GRID2: variants seen among roughly 807,000 people sequenced by gnomAD.
GRID2 encodes glutamate ionotropic receptor delta type subunit 2.
A neutral mutation model predicts 114.8 loss-of-function variants in GRID2; 33 were observed. That is an observed-to-expected ratio of 0.29 (90% CI 0.22 to 0.38). The LOEUF (loss-of-function observed/expected upper bound fraction) is 0.38. Among genes scored for constraint, GRID2 ranks in the 10% least tolerant of loss-of-function variants. The pLI is 1.00. For synonymous variants in GRID2, 505 were observed against 449.9 expected (o/e 1.12, Z -1.55); for missense variants, 1,184 against 1,257.7 (o/e 0.94, Z 0.89).
rs550572975 is a variant in GRID2, at chr4:93,668,323, C to T, written c.2360+41888C>T. Among the ~76,000 whole-genome samples the T allele has an allele frequency of 1.6e-4, 24 of 152,010 alleles. No individual in the cohort carries two copies. In the South Asian group the frequency reaches 5.0e-3, roughly 32 times the overall value. On this transcript the variant is annotated intron_variant, in intron 14 of 15. Coordinates refer to ENST00000282020, the MANE Select transcript of GRID2 (RefSeq NM_001510.4). ...CTGAAATGTATATAACCGTTTTCTC[C>T]TACACTCAATGAACTTTGAGTTCTG...
At chr4:93,365,108 A>G (rs1477897158) in intron 8 of GRID2, among the ~76,000 whole-genome samples, 1 of 152,070 alleles carries the variant, frequency 6.6e-6, no homozygotes, top group Non-Finnish European at 1.5e-5. Flanking sequence ...GTTTAAAGGC[A>G]TTCATCAGAT....
At chr4:92,489,041 T>C (rs1723027811) in intron 1 of GRID2, among the ~76,000 whole-genome samples, 1 of 152,080 alleles carries the variant, frequency 6.6e-6, no homozygotes, top group East Asian at 1.9e-4. Flanking sequence ...AGACAATAGA[T>C]AGAAAACACA....
At chr4:93,458,335 A>G (rs1364004983) in intron 11 of GRID2, among the ~76,000 whole-genome samples, 5 of 152,194 alleles carry the variant, frequency 3.3e-5, no homozygotes, top group Admixed American at 2.6e-4. Context: ...TTTCAGCTAG[A>G]CAATTCAGAG....
chr4:92,825,945 G>C (rs887290019), intron 2 of GRID2, among the ~76,000 whole-genome samples: 1 of 152,082 alleles, frequency 6.6e-6, no homozygotes, highest in Non-Finnish European at 1.5e-5. Context: ...GCTACTTGTA[G>C]CTGAAAGTAT....
rs1727745091 is a variant in GRID2 at position 93,061,070 on chromosome 4, TCCAA to T, written c.245-23921_245-23918del. Among the ~76,000 whole-genome samples the T allele has an allele frequency of 3.3e-5, 5 of 151,454 alleles. No homozygotes were observed. The South Asian group carries it at 1.0e-3, about 32-fold the overall frequency. ...GTGAGCCAAAATTGCACCACTGCAC[TCCAA>T]CCAGGGCAACAGAGCAAGACTCCAT... On this transcript the variant is annotated intron_variant, in intron 2 of 15. Transcript: ENST00000282020.
chr4:92,559,399 G>A lies in GRID2; in HGVS notation c.89-30732G>A, dbSNP rs150177930. Among the ~76,000 whole-genome samples, 11 of 152,242 alleles carry A rather than the reference G, an allele frequency of 7.2e-5. No homozygotes were observed. In the East Asian group the frequency reaches 2.1e-3, roughly 29 times the overall value. ...TTCACATTTTGGATTATTTCAGATT[G>A]TGGGATATTTGCGTTATACTTAGGT... On this transcript the variant is annotated intron_variant, in intron 1 of 15. Coordinates refer to ENST00000282020, the MANE Select transcript of GRID2 (RefSeq NM_001510.4).
At chr4:92,593,495 C>T (rs1028275463) in intron 2 of GRID2, among the ~76,000 whole-genome samples, 5 of 151,840 alleles carry the variant, frequency 3.3e-5, no homozygotes, top group African/African-American at 9.7e-5. Flanking sequence ...GTAGCTTTGG[C>T]TACAGTACAT....
chr4:92,425,576 A>G lies in GRID2; in HGVS notation c.88+120832A>G, dbSNP rs368756502. Among the ~76,000 whole-genome samples, 4 of 152,200 alleles carry G rather than the reference A, an allele frequency of 2.6e-5. No homozygotes were observed. The East Asian group carries it at 7.7e-4, about 29-fold the overall frequency. ...ACATAGTAGCAAAATAAGGTAATCC[A>G]TATTATATAGTGTTTTACTTCTGAC... is the stretch of plus-strand genomic sequence containing the variant. On this transcript the variant is annotated intron_variant, in intron 1 of 15. Coordinates refer to ENST00000282020, the MANE Select transcript of GRID2 (RefSeq NM_001510.4).
intron 3 of GRID2, among the ~76,000 whole-genome samples, chr4:93,094,307 G>A (rs1654635901): frequency 6.6e-6 from 1 of 151,954 alleles, no homozygotes. Context: ...ACTTTTGCCT[G>A]CTTTTTGATT....
intron 11 of GRID2, among the ~76,000 whole-genome samples, chr4:93,458,786 G>T (rs1385637745): frequency 6.6e-6 from 1 of 152,146 alleles, no homozygotes; most frequent in African/African-American, 2.4e-5. Flanking sequence ...ACAAATGATT[G>T]TAGATCATTT....
In GRID2 at chr4:93,546,249, C is replaced by T. The variant is rs140360900; in HGVS notation, c.2193+30838C>T. 5.1e-3 allele frequency among the ~76,000 whole-genome samples: 774 copies of T among 152,184 alleles called. 4 individuals carry two copies. The highest frequency in any genetic ancestry group is 0.018 in the African/African-American group (736 of 41,516). ...GTTGTAGTTGTTTAAGATGCTTATT[C>T]GAGCGCCAAGTGTAAAAGTAAAGCG... On this transcript the variant is annotated intron_variant, in intron 13 of 15. Transcript: ENST00000282020.
chr4:92,649,534 T>G (rs1172230700), intron 2 of GRID2, among the ~76,000 whole-genome samples: 1 of 151,806 alleles, frequency 6.6e-6, no homozygotes, highest in Non-Finnish European at 1.5e-5. Context: ...AGAAACATTC[T>G]CACAGGCACA....
intron 8 of GRID2, among the ~76,000 whole-genome samples, chr4:93,370,958 A>G (rs1186528607): frequency 1.3e-5 from 2 of 152,204 alleles, no homozygotes; most frequent in African/African-American, 4.8e-5. Context: ...CGATTTACCT[A>G]TATCTGTTTT....
chr4:92,330,939 A>T (rs1195977472), intron 1 of GRID2, among the ~76,000 whole-genome samples: 2 of 152,146 alleles, frequency 1.3e-5, no homozygotes, highest in Admixed American at 1.3e-4. Context: ...CTTTAAAAGT[A>T]TGCACTGGAA....
chr4:93,106,878 CAAAT>C (rs1291302982), intron 3 of GRID2, among the ~76,000 whole-genome samples: 1 of 152,092 alleles, frequency 6.6e-6, no homozygotes, highest in Non-Finnish European at 1.5e-5. Flanking sequence ...GGTCTCTTAA[CAAAT>C]AGTCATGTTC....
chr4:93,530,410 A>T (rs1474506898), intron 13 of GRID2, among the ~76,000 whole-genome samples: 1 of 152,124 alleles, frequency 6.6e-6, no homozygotes, highest in African/African-American at 2.4e-5. Context: ...TCCCTTTCAC[A>T]TGCCATACAT....
chr4:92,925,905 G>C (rs1749771634), intron 2 of GRID2, among the ~76,000 whole-genome samples: 2 of 152,020 alleles, frequency 1.3e-5, no homozygotes, highest in Admixed American at 1.3e-4. Context: ...GTTAGTTTTA[G>C]ATGTAATATA....
At chr4:92,570,442 C>T (rs1308952549) in intron 1 of GRID2, among the ~76,000 whole-genome samples, 6 of 151,956 alleles carry the variant, frequency 3.9e-5, no homozygotes, top group Non-Finnish European at 8.8e-5. Flanking sequence ...TATTTGGGCT[C>T]TTTTTGGCTC....
chr4:92,429,691 CTGTACTAA>C (rs1732343309), intron 1 of GRID2, among the ~76,000 whole-genome samples: 1 of 152,220 alleles, frequency 6.6e-6, no homozygotes, highest in African/African-American at 2.4e-5. Flanking sequence ...TCTATAGTGG[CTGTACTAA>C]TGTAATTTAG....
Sources: gnomAD v4.1 joint callset for allele counts (sites outside exome capture counted in the v4.1 genomes callset) on GRCh38, gnomAD v4.1.1 for gene constraint, MANE v1.5 for transcripts, NCBI Gene and HGNC (gene_info 2026-07-23, HGNC 2026-07-21) for gene names.